Variants in CCSER2 observed in about 807,000 individuals in gnomAD.
CCSER2 encodes serine-rich coiled-coil domain-containing protein 2.
In CCSER2, 46 loss-of-function variants were observed where a neutral mutation model predicts 92.3. The ratio of observed to expected loss-of-function variants is 0.50; its 90% CI spans 0.39 to 0.64. The LOEUF (loss-of-function observed/expected upper bound fraction) is 0.64, where lower values mean the gene tolerates loss of function less well. Ranked by LOEUF, CCSER2 falls within the 30% of genes least tolerant of loss-of-function variation. The pLI is 0.00. For synonymous variants in CCSER2, 433 were observed against 431.4 expected, an observed-to-expected ratio of 1.00 and a Z score of -0.04; for missense variants, 1,244 against 1,238.9, an observed-to-expected ratio of 1.00 and a Z score of -0.06.
In CCSER2 at chr10:84,421,390, G is replaced by A. The variant is rs558990222; in HGVS notation, c.1705+3529G>A. ...CTTACAGTTCTGCATGGTTGGGGAGGCCTCAGGAAACTTGCAGTCATGCTG... is the reference window on the plus strand; with the variant it reads ...CTTACAGTTCTGCATGGTTGGGGAGACCTCAGGAAACTTGCAGTCATGCTG... On this transcript the variant is annotated intron_variant, in intron 4 of 9. Transcript: ENST00000372088. 4.6e-5 allele frequency among the ~76,000 whole-genome samples: 7 copies of A among 152,256 alleles called. No individual in the cohort carries two copies. The South Asian group carries it at 1.5e-3, about 32-fold the overall frequency.
intron 9 of CCSER2, among the ~76,000 whole-genome samples, chr10:84,489,114 T>C (rs934060556): frequency 1.4e-4 from 21 of 152,248 alleles, no homozygotes; most frequent in Admixed American, 1.1e-3. Flanking sequence ...CTGTTTGTTA[T>C]AGTTTCTGTT....
intron 3 of CCSER2, among the ~76,000 whole-genome samples, chr10:84,406,812 G>A (rs746753060): frequency 2.6e-5 from 4 of 152,158 alleles, no homozygotes; most frequent in Non-Finnish European, 5.9e-5. Flanking sequence ...TCCGCACTGC[G>A]TGGTTTCCTC....
At chr10:84,495,125 C>T (rs1848378390) in intron 9 of CCSER2, among the ~76,000 whole-genome samples, 1 of 150,098 alleles carries the variant, frequency 6.7e-6, no homozygotes, top group South Asian at 2.1e-4. Context: ...TATATTTTTT[C>T]AGCTGTTTCC....
chr10:84,457,317 T>TATATAATATATTATATATA (rs1845755091), intron 6 of CCSER2, among the ~76,000 whole-genome samples: 1 of 71,444 alleles, frequency 1.4e-5, no homozygotes, highest in Non-Finnish European at 2.6e-5. Flanking sequence ...TTATATATAA[T>TATATAATATATTATATATA]ATATTATATA....
At chr10:84,443,355 G>A (rs1012891206) in intron 6 of CCSER2, among the ~76,000 whole-genome samples, 11 of 152,176 alleles carry the variant, frequency 7.2e-5, no homozygotes, top group South Asian at 2.1e-4. Context: ...GACACTTCTC[G>A]AAAGAAGACA....
At chr10:84,334,067 C>T (rs1168026857) in intron 1 of CCSER2, among the ~76,000 whole-genome samples, 1 of 152,118 alleles carries the variant, frequency 6.6e-6, no homozygotes, top group Non-Finnish European at 1.5e-5. Context: ...TAGAATGTGA[C>T]AGCTGTCAGG....
At chr10:84,346,020 T>C (rs537883475) in intron 1 of CCSER2, among the ~76,000 whole-genome samples, 4 of 152,330 alleles carry the variant, frequency 2.6e-5, no homozygotes, top group Admixed American at 2.6e-4. Flanking sequence ...TTCAGTGATA[T>C]TTATTTCTTC....
chr10:84,442,735 A>C (rs559680351), intron 6 of CCSER2, among the ~76,000 whole-genome samples: 1 of 152,226 alleles, frequency 6.6e-6, no homozygotes, highest in Admixed American at 6.5e-5. Flanking sequence ...CCTGACTCCA[A>C]ACTATATTAC....
chr10:84,510,880 A>G (rs1443195783), intron 9 of CCSER2, among the ~76,000 whole-genome samples: 6 of 152,134 alleles, frequency 3.9e-5, no homozygotes, highest in East Asian at 1.9e-4. Context: ...TGTTCCTCAC[A>G]TTATAGGTGT....
chr10:84,344,387 T>A (rs930728435), intron 1 of CCSER2, among the ~76,000 whole-genome samples: 2 of 152,184 alleles, frequency 1.3e-5, no homozygotes, highest in Admixed American at 6.5e-5. Flanking sequence ...GCTGTTGCTT[T>A]ATTTTTTTCT....
intron 3 of CCSER2, among the ~76,000 whole-genome samples, chr10:84,400,584 C>T (rs1842067117): frequency 1.3e-5 from 2 of 152,196 alleles, no homozygotes; most frequent in Admixed American, 6.5e-5. Context: ...ATTCTTTTGC[C>T]ATTGGTTGAC....
intron 9 of CCSER2, among the ~76,000 whole-genome samples, chr10:84,477,955 C>A (rs551934499): frequency 1.7e-3 from 253 of 152,244 alleles, no homozygotes; most frequent in Non-Finnish European, 2.9e-3. Context: ...GAGAGTAGTT[C>A]CACATGCCTT....
At chr10:84,360,632 G>A (rs377553650) in intron 1 of CCSER2, among the ~76,000 whole-genome samples, 2 of 152,066 alleles carry the variant, frequency 1.3e-5, no homozygotes, top group African/African-American at 2.4e-5. Context: ...CCCCTTTTCA[G>A]TTAGCCCGCT....
chr10:84,361,066 A>G (rs553074444), intron 1 of CCSER2, among the ~76,000 whole-genome samples: 3 of 152,140 alleles, frequency 2.0e-5, no homozygotes, highest in Admixed American at 6.5e-5. Context: ...CAGGGAAGTG[A>G]GAGGGTTTGT....
intron 1 of CCSER2, among the ~76,000 whole-genome samples, chr10:84,336,033 T>A (rs1216166580): frequency 2.6e-5 from 4 of 152,184 alleles, no homozygotes; most frequent in African/African-American, 9.7e-5. Flanking sequence ...TTATTTAAAA[T>A]TTTTTCTCAG....
chr10:84,511,191 T>A (rs1458738670), intron 9 of CCSER2, among the ~76,000 whole-genome samples: 3 of 152,220 alleles, frequency 2.0e-5, no homozygotes, highest in Non-Finnish European at 2.9e-5. Flanking sequence ...AAAAACTGGA[T>A]GTTTTCTAAT....
intron 1 of CCSER2, among the ~76,000 whole-genome samples, chr10:84,364,088 A>G (rs1845654296): frequency 6.6e-6 from 1 of 152,212 alleles, no homozygotes; most frequent in Admixed American, 6.5e-5. Context: ...AAAAGAGAAA[A>G]AAATGGTATA....
At chr10:84,350,271 C>G (rs1037383123) in intron 1 of CCSER2, among the ~76,000 whole-genome samples, 4 of 152,236 alleles carry the variant, frequency 2.6e-5, no homozygotes, top group Non-Finnish European at 5.9e-5. Flanking sequence ...TAGTCCACAA[C>G]TTTAAAATAT....
At chr10:84,477,891 A>G (rs1847247159) in intron 9 of CCSER2, among the ~76,000 whole-genome samples, 1 of 152,178 alleles carries the variant, frequency 6.6e-6, no homozygotes, top group African/African-American at 2.4e-5. Context: ...TTCATTCTAC[A>G]TACTATAGTT....
Sources: gnomAD v4.1 joint callset for allele counts (sites outside exome capture counted in the v4.1 genomes callset) on GRCh38, gnomAD v4.1.1 for gene constraint, MANE v1.5 for transcripts, NCBI Gene and HGNC (gene_info 2026-07-23, HGNC 2026-07-21) for gene names.